The following ADCY2 variants were observed in gnomAD, a reference collection of about 807,000 sequenced individuals.
ADCY2 encodes the protein adenylate cyclase 2.
A neutral mutation model predicts 125.2 loss-of-function variants in ADCY2; 31 were observed. The ratio of observed to expected loss-of-function variants is 0.25; its 90% CI spans 0.19 to 0.33. The LOEUF (loss-of-function observed/expected upper bound fraction) is 0.33. ADCY2 is among the 10% of genes least tolerant of loss of function. The probability of loss-of-function intolerance (pLI) is 1.00; values close to 1 mark genes in which losing one functional copy is unlikely to be tolerated. For synonymous variants in ADCY2, 512 were observed against 548.4 expected, an observed-to-expected ratio of 0.93 and a Z score of 0.93; for missense variants, 904 against 1,418.2, an observed-to-expected ratio of 0.64 and a Z score of 5.82.
chr5:7,498,176 A>T (rs569524935), intron 2 of ADCY2, among the ~76,000 whole-genome samples: 1 of 152,058 alleles, frequency 6.6e-6, no homozygotes, highest in South Asian at 2.1e-4. Flanking sequence ...GAGATAATCA[A>T]ACTTATAAAT....
rs1742075195 is a variant in ADCY2, at chr5:7,730,746, A to G, written c.1871+3485A>G. ...CATCTTCTATTTTTGTTAATGAAGT[A>G]TTTCTGTCAGTCTCATTACATTCCT... On this transcript the variant is annotated intron_variant, in intron 14 of 24. Coordinates refer to ENST00000338316, the MANE Select transcript of ADCY2 (RefSeq NM_020546.3). 2.0e-5 allele frequency among the ~76,000 whole-genome samples: 3 copies of G among 152,040 alleles called. 1 individual carries two copies. The South Asian group carries it at 6.2e-4, about 31-fold the overall frequency.
chr5:7,498,544 G>A (rs565533256), intron 2 of ADCY2, among the ~76,000 whole-genome samples: 77 of 152,146 alleles, frequency 5.1e-4, no homozygotes, highest in African/African-American at 1.5e-3. Context: ...CACCGTGCCC[G>A]GCCAAGTAAA....
In ADCY2 at chr5:7,641,447, G is replaced by A. The variant is rs11952953; in HGVS notation, c.720+15131G>A. ...TTTTTTCTCTTATTTATGAGTTATCGTTCTGTGTTTTATTATATTATGATG... is the reference window on the plus strand; with the variant it reads ...TTTTTTCTCTTATTTATGAGTTATCATTCTGTGTTTTATTATATTATGATG... On this transcript the variant is annotated intron_variant, in intron 4 of 24. Coordinates refer to ENST00000338316, the MANE Select transcript of ADCY2 (RefSeq NM_020546.3). 3.0e-3 allele frequency among the ~76,000 whole-genome samples: 454 copies of A among 152,102 alleles called. 3 individuals carry two copies. The highest frequency in any genetic ancestry group is 9.5e-3 in the African/African-American group (396 of 41,492).
chr5:7,557,773 G>A (rs34950980), intron 3 of ADCY2, among the ~76,000 whole-genome samples: 45,477 of 151,950 alleles, frequency 0.3, 7,936 homozygotes, highest in Non-Finnish European at 0.4. Flanking sequence ...ACTGGTGGGC[G>A]TTTAGGTTGA....
At chr5:7,428,134 AG>A (rs1740454899) in intron 2 of ADCY2, among the ~76,000 whole-genome samples, 1 of 152,130 alleles carries the variant, frequency 6.6e-6, no homozygotes, top group African/African-American at 2.4e-5. Flanking sequence ...TCAGCTTTTC[AG>A]GTTTTAGGTT....
At chr5:7,499,652 T>C in intron 2 of ADCY2, among the ~76,000 whole-genome samples, 1 of 27,354 alleles carries the variant, frequency 3.7e-5, no homozygotes, top group South Asian at 1.2e-3. Context: ...TGGGTGGATA[T>C]ATATATATAT....
intron 4 of ADCY2, among the ~76,000 whole-genome samples, chr5:7,644,483 T>C (rs573618777): frequency 1.3e-5 from 2 of 152,172 alleles, no homozygotes; most frequent in Non-Finnish European, 2.9e-5. Flanking sequence ...TCCATATTTA[T>C]GTTGGCCAGC....
chr5:7,641,252 C>A (rs1464323384), intron 4 of ADCY2, among the ~76,000 whole-genome samples: 1 of 152,172 alleles, frequency 6.6e-6, no homozygotes. Context: ...GATTACATGG[C>A]AGCCAGACTG....
At chr5:7,795,299 A>T (rs756252054) in intron 20 of ADCY2, 15 of 152,244 alleles carry the variant, frequency 9.9e-5, no homozygotes, top group Admixed American at 2.0e-4. Context: ...TCCCAGATTC[A>T]TGCAAAACTT....
chr5:7,656,289 G>A (rs185984188), intron 4 of ADCY2, among the ~76,000 whole-genome samples: 1 of 152,236 alleles, frequency 6.6e-6, no homozygotes, highest in Non-Finnish European at 1.5e-5. Context: ...CCTGACCTCA[G>A]GTGATCTGTC....
At chr5:7,475,191 C>T (rs1169449726) in intron 2 of ADCY2, among the ~76,000 whole-genome samples, 2 of 152,134 alleles carry the variant, frequency 1.3e-5, no homozygotes, top group South Asian at 2.1e-4. Context: ...AAGAGAAAAC[C>T]GGAAGTGCAA....
At chr5:7,451,489 T>C (rs751653494) in intron 2 of ADCY2, among the ~76,000 whole-genome samples, 1 of 152,220 alleles carries the variant, frequency 6.6e-6, no homozygotes, top group Non-Finnish European at 1.5e-5. Context: ...TTCTTATGGA[T>C]GAGCAAAGTA....
chr5:7,589,498 G>GAAAGAAAGAAAGAAAGAAAGAA (rs1579604884), intron 3 of ADCY2, among the ~76,000 whole-genome samples: 2 of 51,658 alleles, frequency 3.9e-5, no homozygotes, highest in Admixed American at 2.8e-4. Flanking sequence ...AAGAAAGAAA[G>GAAAGAAAGAAAGAAAGAAAGAA]AAAGAAAGAA....
At chr5:7,555,467 G>A (rs1274773017) in intron 3 of ADCY2, among the ~76,000 whole-genome samples, 3 of 152,074 alleles carry the variant, frequency 2.0e-5, no homozygotes, top group African/African-American at 7.2e-5. Flanking sequence ...GTTAATTCAT[G>A]GTATAATTTC....
At chr5:7,629,328 G>T (rs1032294999) in intron 4 of ADCY2, among the ~76,000 whole-genome samples, 8 of 152,090 alleles carry the variant, frequency 5.3e-5, no homozygotes, top group African/African-American at 1.9e-4. Context: ...GGATTGGAGG[G>T]GGGGCACTGA....
At position 7,396,569 on chromosome 5, in the gene ADCY2, G is replaced by T. The variant is rs1224888185; in HGVS notation, c.210+63G>T. The T allele has an allele frequency of 1.6e-5, 22 of 1,408,658 alleles. No homozygotes were observed. Among genetic ancestry groups the T allele is most frequent in the Non-Finnish European group, 1.8e-5 (19 of 1,071,730 alleles). 87.3% of individuals were successfully genotyped at this position (1,408,658 alleles called of 1,614,324 possible). A position where few individuals can be genotyped will look rare whatever the true frequency, so the allele number is the denominator to read the frequency against. On this transcript the variant is annotated intron_variant, in intron 1 of 24. Coordinates refer to ENST00000338316, the MANE Select transcript of ADCY2 (RefSeq NM_020546.3). This position sits in a 1 kb window ranked among gnomAD's most constrained non-coding sequence, Gnocchi z 5.7. ...CCCGGCCCTGAGAGGAGCCCGGCCA[G>T]CCGAGCCGCGTCCCGCTCCGGGCTG...
intron 1 of ADCY2, among the ~76,000 whole-genome samples, chr5:7,397,449 T>C (rs898644049): frequency 7.1e-6 from 1 of 141,164 alleles, no homozygotes; most frequent in African/African-American, 2.7e-5. Context: ...CAGTGAGTTT[T>C]TTTTTTTTTT....
chr5:7,414,556 T>C lies in ADCY2; in HGVS notation c.211-17T>C. On this transcript the variant is annotated splice_polypyrimidine_tract_variant and intron_variant, in intron 1 of 24. Coordinates refer to ENST00000338316, the MANE Select transcript of ADCY2 (RefSeq NM_020546.3). ...CTCTAAATGGTAACTTTTCCATGTA[T>C]TTTTTTATCTCCTCAGGAAGTTGAA... 6.3e-7 allele frequency: 1 copy of C among 1,587,508 alleles called. No homozygotes were observed. The highest frequency in any genetic ancestry group is 8.6e-7 in the Non-Finnish European group (1 of 1,168,126).
At chr5:7,719,386 T>C (rs1741692220) in intron 12 of ADCY2, among the ~76,000 whole-genome samples, 1 of 152,214 alleles carries the variant, frequency 6.6e-6, no homozygotes, top group Non-Finnish European at 1.5e-5. Context: ...CTCTTATGCA[T>C]ATATTTTTGA....
Sources: gnomAD v4.1 joint callset for allele counts (sites outside exome capture counted in the v4.1 genomes callset) on GRCh38, gnomAD v4.1.1 for gene constraint, Gnocchi (gnomAD v3.1) non-coding constraint, MANE v1.5 for transcripts, NCBI Gene and HGNC (gene_info 2026-07-23, HGNC 2026-07-21) for gene names.